The following OPN4 variants were observed in gnomAD, a reference collection of about 807,000 sequenced individuals.
OPN4 encodes opsin 4.
In OPN4, 43 loss-of-function variants were observed where a neutral mutation model predicts 49.5. The ratio of observed to expected loss-of-function variants is 0.87; its 90% CI spans 0.68 to 1.12. The LOEUF is 1.12. Ranked by LOEUF, OPN4 falls within the 50% of genes most tolerant of loss-of-function variation. The probability of loss-of-function intolerance (pLI) is 0.00; values close to 1 mark genes in which losing one functional copy is unlikely to be tolerated. For missense variants in OPN4, 657 were observed against 643.9 expected (o/e 1.02, Z -0.22); for synonymous variants, 263 against 258.0 (o/e 1.02, Z -0.19).
rs1844169540 is a variant in OPN4 at position 86,666,025 on chromosome 10, T to C, written c.*274T>C. Reference sequence around the variant, plus strand: ...TGCCCAGGCCCTCCCACTTCCCGAGTTGTCTGCCTCTCCTCAAATGCTGTG... The same window carrying C: ...TGCCCAGGCCCTCCCACTTCCCGAGCTGTCTGCCTCTCCTCAAATGCTGTG... On this transcript the variant is annotated 3_prime_UTR_variant, in exon 10 of 10. Coordinates refer to ENST00000241891, the MANE Select transcript of OPN4 (RefSeq NM_033282.4). The C allele has an allele frequency of 2.0e-6, 1 of 505,918 alleles. No individual in the cohort carries two copies. The highest frequency in any genetic ancestry group is 3.5e-6 in the Non-Finnish European group (1 of 285,554). The allele number at this position is 505,918 out of a possible 1,614,324, so 31.3% of individuals were successfully genotyped here.
At chr10:86,664,128 C>A in intron 9 of OPN4, 1 of 259,012 alleles carries the variant, frequency 3.9e-6, no homozygotes, top group South Asian at 9.7e-5. Context: ...GGTCTGCAGC[C>A]GTCAGAGCAT....
intron 6 of OPN4, among the ~76,000 whole-genome samples, chr10:86,660,945 G>T (rs1843988622): frequency 6.6e-6 from 1 of 152,182 alleles, no homozygotes; most frequent in Non-Finnish European, 1.5e-5. Flanking sequence ...TGGCCAAAAT[G>T]GTGAAACCCC....
chr10:86,665,475 C>T (rs1589593904), intron 9 of OPN4, among the ~76,000 whole-genome samples: 2 of 152,120 alleles, frequency 1.3e-5, no homozygotes, highest in South Asian at 4.1e-4. Flanking sequence ...AGTTGTGACC[C>T]CGGGAGTCAA....
chr10:86,657,119 G>A, intron 2 of OPN4: 2 of 768,018 alleles, frequency 2.6e-6, no homozygotes, highest in South Asian at 2.8e-5. Flanking sequence ...CAGCCCCCTG[G>A]CTCTCCCACC....
At chr10:86,658,794 A>T in intron 4 of OPN4, 107 bp downstream of exon 4, 2 of 1,150,328 alleles carry the variant, frequency 1.7e-6, no homozygotes, top group Non-Finnish European at 2.5e-6. Context: ...CAGGGTGCCC[A>T]GGAGCTACCT....
Position 86,659,427 on chromosome 10 carries a change from C to T in OPN4, c.759C>T (p.Tyr253=). The T allele has an allele frequency of 1.9e-6, 3 of 1,614,058 alleles. No individual in the cohort carries two copies. The highest frequency in any genetic ancestry group is 2.5e-6 in the Non-Finnish European group (3 of 1,179,938). ...TCCTCCCTCTGCTTATCATCATCTA[C>T]TGCTACATCTTCATCTTCAGGGCCA... ...VFFLPLLIII[Y]CYIFIFRAIR... The change falls in exon 5 of 10, where the codon TAC becomes TAT. Residue 253 remains tyrosine (Y), a synonymous_variant. Transcript: ENST00000241891.
Position 86,655,110 on chromosome 10 carries a change from C to A in OPN4, c.144+183C>A, listed in dbSNP as rs200060807. 5.9e-5 allele frequency among the ~76,000 whole-genome samples: 9 copies of A among 152,348 alleles called. No individual in the cohort carries two copies. The East Asian group carries it at 7.7e-4, about 13-fold the overall frequency. ...ATAAACAGGCTGATAGAGGAGGGTG[C>A]AGGCAATGTCCTTCCTCATGGAGAG... On this transcript the variant is annotated intron_variant, in intron 1 of 9. Coordinates refer to ENST00000241891, the MANE Select transcript of OPN4 (RefSeq NM_033282.4).
intron 3 of OPN4, 110 bp from the exon 4 acceptor site, chr10:86,658,374 G>T: frequency 7.7e-7 from 1 of 1,296,744 alleles, no homozygotes; most frequent in Non-Finnish European, 1.1e-6. Context: ...CAGGTGGAGG[G>T]GGTGGAGTGC....
At chr10:86,658,925 G>A (rs1364833029) in intron 4 of OPN4, among the ~76,000 whole-genome samples, 1 of 152,174 alleles carries the variant, frequency 6.6e-6, no homozygotes, top group Non-Finnish European at 1.5e-5. Context: ...GGCTTTCTGG[G>A]CGGGGCAAAG....
At position 86,659,345 on chromosome 10, in the gene OPN4, T is replaced by A. The variant is rs776390710; in HGVS notation, c.677T>A (p.Met226Lys). The A allele has an allele frequency of 5.0e-6, 8 of 1,613,876 alleles. No homozygotes were observed. The highest frequency in any genetic ancestry group is 4.4e-5 in the South Asian group (4 of 91,084). Residue 226 changes from methionine (M) to lysine (K), a missense_variant, in exon 5 of 10, where the codon ATG becomes AAG. Physicochemically the swap from Met to Lys is moderately conservative, Grantham distance 95. Transcript: ENST00000241891. ...CTGACATCCTGCTCCTGGGACTACATGAGCTTCACGCCGGCCGTGCGTGCC... is the reference window on the plus strand; with the variant it reads ...CTGACATCCTGCTCCTGGGACTACAAGAGCTTCACGCCGGCCGTGCGTGCC... ...GLLTSCSWDY[M>K]SFTPAVRAYT...
In OPN4 at chr10:86,658,129, A is replaced by T. The variant is rs1436368809; in HGVS notation, c.388A>T (p.Ser130Cys). ...CACCCAGGCCCCTGTCTTCTTCACCAGTAGCCTCTATAAGCAGTGGCTCTT... is the reference window on the plus strand; with the variant it reads ...CACCCAGGCCCCTGTCTTCTTCACCTGTAGCCTCTATAAGCAGTGGCTCTT... Reference protein sequence around the residue: ...SFTQAPVFFTSSLYKQWLFGE... With the variant: ...SFTQAPVFFTCSLYKQWLFGE... The change falls in exon 3 of 10, where the codon AGT (serine) becomes TGT (cysteine). Residue 130 changes from serine (S) to cysteine (C), a missense_variant. Coordinates refer to ENST00000241891, the MANE Select transcript of OPN4 (RefSeq NM_033282.4). 1 of 1,613,994 alleles carries T rather than the reference A, an allele frequency of 6.2e-7. No individual in the cohort carries two copies. The highest frequency in any genetic ancestry group is 1.3e-5 in the African/African-American group (1 of 74,906).
intron 3 of OPN4, 114 bp from the exon 4 acceptor site, chr10:86,658,370 G>A: frequency 7.8e-7 from 1 of 1,279,926 alleles, no homozygotes; most frequent in Non-Finnish European, 1.1e-6. Context: ...GTGGCAGGTG[G>A]AGGGGGTGGA....
intron 7 of OPN4, among the ~76,000 whole-genome samples, chr10:86,661,894 A>G (rs978654216): frequency 2.4e-4 from 36 of 152,118 alleles, no homozygotes; most frequent in Admixed American, 2.0e-4. Context: ...GGCCAGTGGC[A>G]GGCCTGAGCC....
In OPN4 at chr10:86,656,205, T is replaced by C. The variant is rs1843858774; in HGVS notation, c.195T>C (p.Val65=). 6.2e-7 allele frequency: 1 copy of C among 1,614,168 alleles called. No individual in the cohort carries two copies. Among genetic ancestry groups the C allele is most frequent in the African/African-American group, 1.3e-5 (1 of 75,044 alleles). ...GGGTCCCCCTCCCCACGGTTGATGT[T>C]CCAGACCATGCCCACTATACCCTGG... ...AAWVPLPTVD[V]PDHAHYTLGT... Residue 65 remains valine (V), a synonymous_variant, in exon 2 of 10, where the codon GTT becomes GTC. Transcript: ENST00000241891.
At chr10:86,660,412 C>G (rs1843976327) in intron 6 of OPN4, among the ~76,000 whole-genome samples, 1 of 152,184 alleles carries the variant, frequency 6.6e-6, no homozygotes, top group South Asian at 2.1e-4. Context: ...AGGAATGGGT[C>G]CCTGAGAGCT....
chr10:86,663,551 G>A (rs902301818), intron 8 of OPN4, 108 bp from the exon 9 acceptor site: 36 of 1,066,736 alleles, frequency 3.4e-5, no homozygotes, highest in Non-Finnish European at 4.2e-5. Flanking sequence ...GGGGCCTCCC[G>A]CAATGAATAC....
intron 7 of OPN4, 100 bp from the exon 8 acceptor site, chr10:86,662,152 G>A (rs1020760562): frequency 9.9e-5 from 99 of 996,022 alleles, no homozygotes; most frequent in South Asian, 1.8e-4. Context: ...AGAGGCTCTC[G>A]GTCACCGCAC....
chr10:86,660,105 G>C, intron 6 of OPN4, 46 bp downstream of exon 6: 3 of 1,599,098 alleles, frequency 1.9e-6, no homozygotes, highest in Non-Finnish European at 2.6e-6. Context: ...AGGTGTGGGG[G>C]CAGGAGCAAG....
In OPN4 at chr10:86,656,259, G is replaced by A. The variant is rs370827317; in HGVS notation, c.249G>A (p.Thr83=). ...LGTVILLVGL[T]GMLGNLTVIY... ...CAGTGATCTTGCTGGTGGGACTCAC[G>A]GGGATGCTGGGCAACCTGACGGTCA... The change falls in exon 2 of 10, where the codon ACG becomes ACA. Residue 83 remains threonine, a synonymous_variant. Transcript: ENST00000241891. 4.9e-5 allele frequency: 79 copies of A among 1,613,034 alleles called. 1 individual carries two copies. The highest frequency in any genetic ancestry group is 3.3e-4 in the Middle Eastern group (2 of 6,056).
Sources: allele counts gnomAD v4.1 joint callset (sites outside exome capture counted in the v4.1 genomes callset), GRCh38; gene constraint gnomAD v4.1.1; transcripts MANE v1.5; gene names NCBI Gene and HGNC (gene_info 2026-07-23, HGNC 2026-07-21).